SCN2A: variants seen among roughly 807,000 people sequenced by gnomAD.
SCN2A encodes sodium voltage-gated channel alpha subunit 2.
In SCN2A, 20 loss-of-function variants were observed where a neutral mutation model predicts 188.7. The observed-to-expected ratio is 0.11, with a 90% CI of 0.07 to 0.15. The LOEUF (loss-of-function observed/expected upper bound fraction) is 0.15, where lower values mean the gene tolerates loss of function less well. Among genes scored for constraint, SCN2A ranks in the 10% least tolerant of loss-of-function variants. The pLI, the probability that SCN2A is intolerant of heterozygous loss-of-function variation, is 1.00. For synonymous variants in SCN2A, 804 were observed against 833.1 expected, an observed-to-expected ratio of 0.97 and a Z score of 0.60; for missense variants, 1,278 against 2,445.0, an observed-to-expected ratio of 0.52 and a Z score of 10.07.
At chr2:165,370,508 C>T in intron 20 of SCN2A, 1 of 500,782 alleles carries the variant, frequency 2.0e-6, no homozygotes, top group Non-Finnish European at 3.6e-6. Context: ...TGCCATCATA[C>T]TATACTTATT....
At chr2:165,269,615 A>G (rs973845474) in intron 1 of SCN2A, 1 of 152,068 alleles carries the variant, frequency 6.6e-6, no homozygotes, top group African/African-American at 2.4e-5. Context: ...TTCAACAAAA[A>G]TGGTCATTAT....
At chr2:165,374,623 TA>T (rs1701216662) in intron 21 of SCN2A, 61 bp from the exon 22 acceptor site, 2 of 1,555,812 alleles carry the variant, frequency 1.3e-6, no homozygotes, top group Non-Finnish European at 1.8e-6. Context: ...TAATAATGTT[TA>T]AAAATAAGTA....
At chr2:165,369,941 A>G (rs576640424) in intron 19 of SCN2A, among the ~76,000 whole-genome samples, 185 bp from the exon 20 acceptor site, 1 of 152,282 alleles carries the variant, frequency 6.6e-6, no homozygotes, top group East Asian at 1.9e-4. Flanking sequence ...CCCTTGGTTG[A>G]CTGAAATGCC....
At chr2:165,305,374 G>C (rs1304557129) in intron 3 of SCN2A, among the ~76,000 whole-genome samples, 1 of 152,194 alleles carries the variant, frequency 6.6e-6, no homozygotes, top group African/African-American at 2.4e-5. Context: ...GAATTCAGAA[G>C]AGCGGTCTCA....
Position 165,323,375 on chromosome 2 carries a change from G to T in SCN2A, c.1891G>T (p.Ala631Ser). 1 of 1,614,170 alleles carries T rather than the reference G, an allele frequency of 6.2e-7. No homozygotes were observed. Among genetic ancestry groups the T allele is most frequent in the South Asian group, 1.1e-5 (1 of 91,078 alleles). The change falls in exon 12 of 27, where the codon GCC (alanine) becomes TCC (serine). Residue 631 changes from alanine to serine, a missense_variant. Coordinates refer to ENST00000375437, the MANE Select transcript of SCN2A (RefSeq NM_001040142.2). ...RHSNVSQASRASRVLPILPMN... is the reference protein window; with the variant it reads ...RHSNVSQASRSSRVLPILPMN... ...CAGCAATGTCAGCCAGGCCAGCCGTGCCTCCAGGGTGCTCCCCATCCTGCC... is the reference window on the plus strand; with the variant it reads ...CAGCAATGTCAGCCAGGCCAGCCGTTCCTCCAGGGTGCTCCCCATCCTGCC...
At chr2:165,322,538 T>C (rs920591774) in intron 11 of SCN2A, among the ~76,000 whole-genome samples, 16 of 152,126 alleles carry the variant, frequency 1.1e-4, no homozygotes, top group Admixed American at 5.2e-4. Context: ...GGGGTGAAAA[T>C]TGGGGAATAA....
intron 1 of SCN2A, among the ~76,000 whole-genome samples, chr2:165,284,293 C>T (rs1695728843): frequency 6.6e-6 from 1 of 152,050 alleles, no homozygotes; most frequent in Non-Finnish European, 1.5e-5. Flanking sequence ...GCCTCAGCCT[C>T]CCTAGTAGCT....
intron 11 of SCN2A, among the ~76,000 whole-genome samples, chr2:165,317,830 A>C (rs1697845360): frequency 6.6e-6 from 1 of 152,144 alleles, no homozygotes; most frequent in African/African-American, 2.4e-5. Flanking sequence ...AATAGAGTTA[A>C]AGACTTTATT....
intron 2 of SCN2A, chr2:165,296,401 T>C (rs1484466989): frequency 3.0e-6 from 1 of 328,798 alleles, no homozygotes; most frequent in Non-Finnish European, 5.7e-6. Flanking sequence ...TTGACCCTGA[T>C]TCCCTAATAA....
Position 165,276,756 on chromosome 2 carries a change from C to T in SCN2A, c.-51-19017C>T, listed in dbSNP as rs540738220. Among the ~76,000 whole-genome samples the T allele has an allele frequency of 3.3e-5, 5 of 152,268 alleles. No homozygotes were observed. The South Asian group carries it at 6.2e-4, about 19-fold the overall frequency. Reference sequence around the variant, plus strand: ...TAGAGACTGGAAGTTTTTCATCAAGCCCAGTAAGCCCACAGTAAAAAGGAA... The same window carrying T: ...TAGAGACTGGAAGTTTTTCATCAAGTCCAGTAAGCCCACAGTAAAAAGGAA... On this transcript the variant is annotated intron_variant, in intron 1 of 26. Coordinates refer to ENST00000375437, the MANE Select transcript of SCN2A (RefSeq NM_001040142.2).
At position 165,377,665 on chromosome 2, in the gene SCN2A, A is replaced by C. The variant is rs777438595; in HGVS notation, c.4308+15A>C. 10 of 1,595,496 alleles carry C rather than the reference A, an allele frequency of 6.3e-6. No individual in the cohort carries two copies. The highest frequency in any genetic ancestry group is 2.7e-5 in the African/African-American group (2 of 74,586). ...ATTCACGAAATGTAAGTCTAGTTAG[A>C]GGGAAATTGTTTAGTTTGATTAAAT... On this transcript the variant is annotated intron_variant, in intron 23 of 26. Transcript: ENST00000375437.
At chr2:165,351,914 A>T (rs2390210) in intron 16 of SCN2A, among the ~76,000 whole-genome samples, 30,847 of 148,448 alleles carry the variant, frequency 0.21, 3,849 homozygotes, top group East Asian at 0.34. Context: ...TGTGATAGGG[A>T]TGTGGATGAG....
intron 14 of SCN2A, among the ~76,000 whole-genome samples, chr2:165,341,709 G>A (rs62174666): frequency 0.21 from 31,508 of 152,144 alleles, 3,974 homozygotes; most frequent in East Asian, 0.34. Flanking sequence ...CAGATGGGAA[G>A]GCATAAGCAA....
chr2:165,390,404 A>G lies in SCN2A; in HGVS notation c.*580A>G, dbSNP rs1702080508. On this transcript the variant is annotated 3_prime_UTR_variant, in exon 27 of 27. Coordinates refer to ENST00000375437, the MANE Select transcript of SCN2A (RefSeq NM_001040142.2). ...GAGGCATGCTGCAATTCTCATTCAC[A>G]CATAAAAAAATCACATCACAAAAGG... The G allele has an allele frequency of 6.5e-6, 1 of 152,742 alleles. No individual in the cohort carries two copies. The allele number at this position is 152,742 out of a possible 1,614,324, so 9.5% of individuals were successfully genotyped here.
At chr2:165,308,342 A>G (rs1285810241) in intron 4 of SCN2A, among the ~76,000 whole-genome samples, 1 of 152,018 alleles carries the variant, frequency 6.6e-6, no homozygotes, top group Non-Finnish European at 1.5e-5. Context: ...CAAATGCTTC[A>G]CTCATTTTTG....
At chr2:165,377,699 C>CTACAATATCACTAAAT in intron 23 of SCN2A, 49 bp downstream of exon 23, 1 of 1,432,926 alleles carries the variant, frequency 7.0e-7, no homozygotes, top group Non-Finnish European at 9.8e-7. Context: ...ATGTATATTT[C>CTACAATATCACTAAAT]TACAATATTG....
intron 7 of SCN2A, 110 bp downstream of exon 7, chr2:165,310,705 T>A: frequency 1.4e-6 from 1 of 726,180 alleles, no homozygotes; most frequent in Non-Finnish European, 2.1e-6. Context: ...TTAGACTAAT[T>A]TAAGATGATT....
intron 19 of SCN2A, among the ~76,000 whole-genome samples, chr2:165,369,539 A>G (rs1700913787): frequency 1.3e-5 from 2 of 152,198 alleles, no homozygotes; most frequent in Admixed American, 1.3e-4. Flanking sequence ...TAAGAAGATC[A>G]AGTTAGATAA....
chr2:165,381,393 A>G (rs756073033), intron 25 of SCN2A, among the ~76,000 whole-genome samples, 196 bp downstream of exon 25: 9 of 151,856 alleles, frequency 5.9e-5, no homozygotes, highest in African/African-American at 1.9e-4. Flanking sequence ...AATGCATAAC[A>G]TATTTTATAT....
Sources: allele counts gnomAD v4.1 joint callset (sites outside exome capture counted in the v4.1 genomes callset), GRCh38; gene constraint gnomAD v4.1.1; transcripts MANE v1.5; gene names NCBI Gene and HGNC (gene_info 2026-07-23, HGNC 2026-07-21).